AMACR: variants seen among roughly 807,000 people sequenced by gnomAD.
The protein encoded by AMACR is alpha-methylacyl-CoA racemase, also known as 2-methylacyl-CoA racemase.
Under a neutral mutation model 22.2 loss-of-function variants are expected in AMACR, and 18 were observed. The observed-to-expected ratio is 0.81, with a 90% CI of 0.56 to 1.20. AMACR has a LOEUF of 1.20. Ranked by LOEUF, AMACR falls within the 50% of genes most tolerant of loss-of-function variation. The probability of loss-of-function intolerance (pLI) is 0.00; values close to 1 mark genes in which losing one functional copy is unlikely to be tolerated. For missense variants in AMACR, 499 were observed against 490.6 expected, an observed-to-expected ratio of 1.02 and a Z score of -0.16; for synonymous variants, 213 against 191.3, an observed-to-expected ratio of 1.11 and a Z score of -0.94.
chr5:33,991,952 C>G (rs952847194), intron 4 of AMACR, among the ~76,000 whole-genome samples: 4 of 152,114 alleles, frequency 2.6e-5, no homozygotes, highest in African/African-American at 9.7e-5. Flanking sequence ...GATCTCGGCT[C>G]ACTGCAACCT....
rs755722447 is a variant in AMACR, at chr5:34,007,977, C to T, written c.43G>A (p.Ala15Thr). 3.7e-6 allele frequency: 6 copies of T among 1,611,516 alleles called. No individual in the cohort carries two copies. Among genetic ancestry groups the T allele is most frequent in the Non-Finnish European group, 5.1e-6 (6 of 1,179,632 alleles). ...ACCATAGCACAGAACGGGCCCGGGG[C>T]CAGGCCGGACAGCTCCACGACCGAG... is the stretch of plus-strand genomic sequence containing the variant. Reference protein sequence around the residue: ...GISVVELSGLAPGPFCAMVLA... With the variant: ...GISVVELSGLTPGPFCAMVLA... Residue 15 changes from alanine to threonine, a missense_variant, in exon 1 of 5, where the codon GCC (alanine) becomes ACC (threonine). By Grantham distance (58) the Ala-to-Thr change is moderately conservative. Coordinates refer to ENST00000335606, the MANE Select transcript of AMACR (RefSeq NM_014324.6).
intron 4 of AMACR, among the ~76,000 whole-genome samples, chr5:33,992,174 C>T (rs1231913568): frequency 3.3e-5 from 5 of 151,930 alleles, no homozygotes; most frequent in East Asian, 1.9e-4. Context: ...CCACCACACC[C>T]GGCCATAAAA....
intron 4 of AMACR, 54 bp from the exon 5 acceptor site, chr5:33,989,556 A>G (rs1753413244): frequency 1.4e-6 from 2 of 1,435,240 alleles, no homozygotes; most frequent in East Asian, 2.3e-5. Context: ...AGCAATTATA[A>G]TCAATAAAAA....
Position 34,007,972 on chromosome 5 carries a change from C to A in AMACR, c.48G>T (p.Pro16=). Residue 16 remains proline, a synonymous_variant, in exon 1 of 5, where the codon CCG becomes CCT. Coordinates refer to ENST00000335606, the MANE Select transcript of AMACR (RefSeq NM_014324.6). Reference sequence around the variant, plus strand: ...CCAGGACCATAGCACAGAACGGGCCCGGGGCCAGGCCGGACAGCTCCACGA... The same window carrying A: ...CCAGGACCATAGCACAGAACGGGCCAGGGGCCAGGCCGGACAGCTCCACGA... The part of the protein sequence containing the change: ...ISVVELSGLA[P]GPFCAMVLAD... 1 of 1,611,480 alleles carries A rather than the reference C, an allele frequency of 6.2e-7. No individual in the cohort carries two copies. Among genetic ancestry groups the A allele is most frequent in the Non-Finnish European group, 8.5e-7 (1 of 1,179,624 alleles).
Position 33,989,346 on chromosome 5 carries a change from G to C in AMACR, c.896C>G (p.Thr299Ser). 6.2e-7 allele frequency: 1 copy of C among 1,614,146 alleles called. No individual in the cohort carries two copies. Among genetic ancestry groups the C allele is most frequent in the Non-Finnish European group, 8.5e-7 (1 of 1,180,036 alleles). The change falls in exon 5 of 5, where the codon ACT becomes AGT. Residue 299 changes from threonine to serine, a missense_variant. Transcript: ENST00000335606. Reference protein sequence around the residue: ...GTDACVTPVLTFEEVVHHDHN... With the variant: ...GTDACVTPVLSFEEVVHHDHN... ...ATCATGATGAACAACCTCCTCAAAA[G>C]TCAGAACCGGAGTCACACAGGCATC...
intron 4 of AMACR, among the ~76,000 whole-genome samples, chr5:33,992,367 T>A (rs1451054463): frequency 6.7e-6 from 1 of 150,036 alleles, no homozygotes; most frequent in Non-Finnish European, 1.5e-5. Flanking sequence ...TAAAAAGCTA[T>A]AAATTATAAA....
In AMACR at chr5:33,989,301, G is replaced by A. The variant is rs747129541; in HGVS notation, c.941C>T (p.Ser314Leu). ...VHHDHNKERG[S>L]FITSEEQDVS... is the part of the protein sequence containing the mutation. ...GTCCTGCTCCTCACTGGTGATAAAC[G>A]AGCCCCGTTCCTTGTTGTGATCATG... The change falls in exon 5 of 5, where the codon TCG becomes TTG. Residue 314 changes from serine (S) to leucine (L), a missense_variant. By Grantham distance (145) the Ser-to-Leu change is moderately radical. Transcript: ENST00000335606. 3.1e-6 allele frequency: 5 copies of A among 1,613,978 alleles called. No homozygotes were observed. The highest frequency in any genetic ancestry group is 1.1e-5 in the South Asian group (1 of 91,070).
intron 3 of AMACR, among the ~76,000 whole-genome samples, chr5:34,000,959 G>C (rs1753798071): frequency 6.6e-6 from 1 of 152,206 alleles, no homozygotes; most frequent in Non-Finnish European, 1.5e-5. Flanking sequence ...TGTTAACAGA[G>C]TTACAGATCC....
rs565568257 is a variant in AMACR, at chr5:33,986,696, T to C, written c.*2397A>G. 5.9e-5 allele frequency: 9 copies of C among 152,340 alleles called. 1 individual carries two copies. The highest frequency in any genetic ancestry group is 5.9e-4 in the Admixed American group (9 of 15,308). 9.4% of individuals were successfully genotyped at this position (152,340 alleles called of 1,614,324 possible). On this transcript the variant is annotated 3_prime_UTR_variant, in exon 5 of 5. Transcript: ENST00000335606. ...AAGGAAAGAAGCCAGGATATTTCCC[T>C]AGATTTCTTTCTTCTCCCTGAGGTA...
chr5:34,006,250 C>T (rs958252142), intron 1 of AMACR, among the ~76,000 whole-genome samples: 7 of 152,204 alleles, frequency 4.6e-5, no homozygotes, highest in Admixed American at 3.3e-4. Flanking sequence ...GCTGCACTTG[C>T]TTGTACATGC....
At position 33,998,820 on chromosome 5, in the gene AMACR, C is replaced by T; in HGVS notation, c.560G>A (p.Gly187Glu). Residue 187 changes from glycine (G) to glutamate (E), a missense_variant, in exon 4 of 5, where the codon GGA becomes GAA. Gly to Glu is a moderately conservative substitution (Grantham distance 98). Coordinates refer to ENST00000335606, the MANE Select transcript of AMACR (RefSeq NM_014324.6). ...GQVIDANMVE[G>E]TAYLSSFLWK... The stretch of plus-strand genomic sequence containing the variant: ...CAGAAAAGAACTTAAATATGCTGTT[C>T]CTTCCACCTTTGAGAAAACAGAATA... 6.2e-7 allele frequency: 1 copy of T among 1,613,932 alleles called. No individual in the cohort carries two copies. Among genetic ancestry groups the T allele is most frequent in the South Asian group, 1.1e-5 (1 of 91,068 alleles).
In AMACR at chr5:33,988,478, C is replaced by G; in HGVS notation, c.*615G>C. The G allele has an allele frequency of 6.8e-7, 1 of 1,473,526 alleles. No individual in the cohort carries two copies. The highest frequency in any genetic ancestry group is 9.0e-7 in the Non-Finnish European group (1 of 1,115,876). The allele number at this position is 1,473,526 out of a possible 1,614,324, so 91.3% of individuals were successfully genotyped here. A position where few individuals can be genotyped will look rare whatever the true frequency, so the allele number is the denominator to read the frequency against. ...CTAAAACTGACTGTCCCTCTGGACT[C>G]TACGTAGTGAGCCAACACATTTCCT... is the stretch of plus-strand genomic sequence containing the variant. On this transcript the variant is annotated 3_prime_UTR_variant, in exon 5 of 5. Transcript: ENST00000335606.
Position 33,988,875 on chromosome 5 carries a change from T to C in AMACR, c.*218A>G. On this transcript the variant is annotated 3_prime_UTR_variant, in exon 5 of 5. Coordinates refer to ENST00000335606, the MANE Select transcript of AMACR (RefSeq NM_014324.6). ...GGAAGGCAGAATAACTACCATAATTTAGTATAAGTACCCAAAGTTTTATAA... is the reference window on the plus strand; with the variant it reads ...GGAAGGCAGAATAACTACCATAATTCAGTATAAGTACCCAAAGTTTTATAA... 1 of 1,389,596 alleles carries C rather than the reference T, an allele frequency of 7.2e-7. No individual in the cohort carries two copies. The highest frequency in any genetic ancestry group is 9.3e-7 in the Non-Finnish European group (1 of 1,076,098). The allele number at this position is 1,389,596 out of a possible 1,614,324, so 86.1% of individuals were successfully genotyped here. A position where few individuals can be genotyped will look rare whatever the true frequency, so the allele number is the denominator to read the frequency against.
chr5:33,993,377 T>C (rs1225586552), intron 4 of AMACR, among the ~76,000 whole-genome samples: 2 of 152,220 alleles, frequency 1.3e-5, no homozygotes, highest in Non-Finnish European at 2.9e-5. Flanking sequence ...ATAATGTCAC[T>C]ATGAACACAG....
intron 4 of AMACR, chr5:33,997,477 C>T: frequency 3.8e-6 from 3 of 779,760 alleles, no homozygotes; most frequent in Non-Finnish European, 7.2e-6. Context: ...TGGCACGATA[C>T]TGCTTCCTGT....
chr5:34,005,097 AG>A (rs1312824967), intron 2 of AMACR, among the ~76,000 whole-genome samples: 1 of 152,240 alleles, frequency 6.6e-6, no homozygotes, highest in Non-Finnish European at 1.5e-5. Flanking sequence ...CTTGCAGACA[AG>A]AAAAAAAAGG....
At chr5:33,994,738 T>C (rs139806805) in intron 4 of AMACR, among the ~76,000 whole-genome samples, 136 of 152,074 alleles carry the variant, frequency 8.9e-4, no homozygotes, top group Middle Eastern at 3.4e-3. Flanking sequence ...TAAAAGGCTA[T>C]GGATGCAAAA....
intron 1 of AMACR, among the ~76,000 whole-genome samples, chr5:34,007,340 G>C (rs1403861723): frequency 6.6e-6 from 1 of 152,204 alleles, no homozygotes; most frequent in Non-Finnish European, 1.5e-5. Flanking sequence ...AGGAGCGTTA[G>C]CCTGGGCCCG....
chr5:34,001,021 G>C (rs931042068), intron 3 of AMACR, among the ~76,000 whole-genome samples: 3 of 152,150 alleles, frequency 2.0e-5, no homozygotes, highest in African/African-American at 7.2e-5. Context: ...CTTAGCATCA[G>C]AGGAGGTACA....
Sources: gnomAD v4.1 joint callset for allele counts (sites outside exome capture counted in the v4.1 genomes callset) on GRCh38, gnomAD v4.1.1 for gene constraint, MANE v1.5 for transcripts, NCBI Gene and HGNC (gene_info 2026-07-23, HGNC 2026-07-21) for gene names.